CTNNA3: variants seen among roughly 807,000 people sequenced by gnomAD.
CTNNA3 encodes the protein catenin alpha-3.
CTNNA3 carries 76 observed loss-of-function variants against 95.7 expected under a neutral mutation model. That is an observed-to-expected ratio of 0.79 (90% CI 0.66 to 0.96). The LOEUF is 0.96. Ranked by LOEUF, CTNNA3 falls within the 40% of genes least tolerant of loss-of-function variation. The probability of loss-of-function intolerance (pLI) is 0.00; values close to 1 mark genes in which losing one functional copy is unlikely to be tolerated. For missense variants in CTNNA3, 1,191 were observed against 1,089.8 expected (o/e 1.09, Z -1.31); for synonymous variants, 431 against 374.4 (o/e 1.15, Z -1.74).
At chr10:66,907,321 T>C (rs913486504) in intron 7 of CTNNA3, among the ~76,000 whole-genome samples, 1 of 152,186 alleles carries the variant, frequency 6.6e-6, no homozygotes, top group Non-Finnish European at 1.5e-5. Flanking sequence ...ATGAAGCAAT[T>C]GCTTTTGTAT....
intron 6 of CTNNA3, 21 bp downstream of exon 6, chr10:67,219,585 CT>C: frequency 6.2e-7 from 1 of 1,602,760 alleles, no homozygotes; most frequent in African/African-American, 1.3e-5. Flanking sequence ...TCAGATCACA[CT>C]TTATCTTTCT....
intron 11 of CTNNA3, among the ~76,000 whole-genome samples, chr10:66,477,017 G>GAT (rs1839350463): frequency 6.6e-6 from 1 of 151,970 alleles, no homozygotes; most frequent in South Asian, 2.1e-4. Flanking sequence ...TTCCTGCTTT[G>GAT]ATATAGTCTG....
At chr10:66,203,277 A>G (rs1204350666) in intron 13 of CTNNA3, among the ~76,000 whole-genome samples, 1 of 152,206 alleles carries the variant, frequency 6.6e-6, no homozygotes, top group East Asian at 1.9e-4. Flanking sequence ...TTTAGAGAAC[A>G]ATATAAAGAC....
At chr10:66,874,669 T>A (rs1010439158) in intron 7 of CTNNA3, among the ~76,000 whole-genome samples, 2 of 152,222 alleles carry the variant, frequency 1.3e-5, no homozygotes, top group Non-Finnish European at 2.9e-5. Flanking sequence ...TTTCATGTTT[T>A]CTCTTTAAAC....
At chr10:67,662,711 G>C (rs560936887) in intron 1 of CTNNA3, among the ~76,000 whole-genome samples, 1 of 152,336 alleles carries the variant, frequency 6.6e-6, no homozygotes, top group African/African-American at 2.4e-5. Flanking sequence ...GATGTAATCA[G>C]TTGACTGCAG....
intron 12 of CTNNA3, among the ~76,000 whole-genome samples, chr10:66,372,650 T>C (rs2092762560): frequency 6.6e-6 from 1 of 152,190 alleles, no homozygotes; most frequent in Non-Finnish European, 1.5e-5. Flanking sequence ...GGCTAATTTA[T>C]AAAGAAAACA....
intron 10 of CTNNA3, among the ~76,000 whole-genome samples, chr10:66,544,258 C>A (rs1841968891): frequency 6.6e-6 from 1 of 151,962 alleles, no homozygotes; most frequent in South Asian, 2.1e-4. Context: ...TTATACCATG[C>A]AGCCTATTAA....
At chr10:66,847,332 G>A (rs1843316809) in intron 7 of CTNNA3, among the ~76,000 whole-genome samples, 1 of 152,094 alleles carries the variant, frequency 6.6e-6, no homozygotes. Context: ...TTGACAGGAA[G>A]CCAGAAATAA....
At chr10:67,289,344 C>T (rs1589130112) in intron 5 of CTNNA3, among the ~76,000 whole-genome samples, 1 of 152,092 alleles carries the variant, frequency 6.6e-6, no homozygotes, top group African/African-American at 2.4e-5. Flanking sequence ...CATCAAACAT[C>T]GTTATATGCC....
intron 9 of CTNNA3, among the ~76,000 whole-genome samples, chr10:66,722,767 T>C (rs568078859): frequency 2.0e-5 from 3 of 151,712 alleles, no homozygotes; most frequent in African/African-American, 7.3e-5. Context: ...TGTAAACTTA[T>C]AAGAAGTTTC....
At position 65,953,763 on chromosome 10, in the gene CTNNA3, A is replaced by C. The variant is rs545382757; in HGVS notation, c.2400+12849T>G. Among the ~76,000 whole-genome samples the C allele has an allele frequency of 2.0e-5, 3 of 152,120 alleles. No homozygotes were observed. In the South Asian group the frequency reaches 6.2e-4, roughly 32 times the overall value. The stretch of plus-strand genomic sequence containing the variant: ...GTATTCCATGGTGTATATGTGCCAC[A>C]TTTTCTTAATCCAGTCTATCATTGA... On this transcript the variant is annotated intron_variant, in intron 17 of 17. Coordinates refer to ENST00000433211, the MANE Select transcript of CTNNA3 (RefSeq NM_013266.4).
intron 5 of CTNNA3, among the ~76,000 whole-genome samples, chr10:67,353,344 G>A (rs986439811): frequency 1.3e-5 from 2 of 151,890 alleles, no homozygotes; most frequent in Admixed American, 6.6e-5. Context: ...CATCTCCAAG[G>A]TATTCAACTT....
intron 10 of CTNNA3, among the ~76,000 whole-genome samples, chr10:66,548,206 C>G (rs985940942): frequency 6.6e-6 from 1 of 151,980 alleles, no homozygotes; most frequent in Non-Finnish European, 1.5e-5. Context: ...TGTGAGACAC[C>G]GTGCCTGGCT....
intron 15 of CTNNA3, among the ~76,000 whole-genome samples, chr10:66,018,570 A>G (rs571168418): frequency 1.3e-5 from 2 of 152,234 alleles, no homozygotes; most frequent in Admixed American, 6.5e-5. Flanking sequence ...TTGCAATATT[A>G]CTTACTTATT....
Position 65,920,389 on chromosome 10 carries a change from T to G in CTNNA3, c.2629A>C (p.Lys877Gln), listed in dbSNP as rs374368635. 4.3e-6 allele frequency: 7 copies of G among 1,614,036 alleles called. No individual in the cohort carries two copies. The highest frequency in any genetic ancestry group is 5.9e-6 in the Non-Finnish European group (7 of 1,180,024). Reference protein sequence around the residue: ...TCAAVRRGSAKKKIHPLQVMS... With the variant: ...TCAAVRRGSAQKKIHPLQVMS... The stretch of plus-strand genomic sequence containing the variant: ...ACTTGCAATGGATGGATTTTTTTCT[T>G]TGCTGAGCCTCGTCTGACAGCTGCA... Residue 877 changes from lysine to glutamine, a missense_variant, in exon 18 of 18, where the codon AAG (lysine) becomes CAG (glutamine). Physicochemically the swap from Lys to Gln is moderately conservative, Grantham distance 53. Transcript: ENST00000433211.
intron 7 of CTNNA3, among the ~76,000 whole-genome samples, chr10:66,950,973 A>C (rs752525705): frequency 3.9e-5 from 6 of 152,206 alleles, no homozygotes; most frequent in Non-Finnish European, 7.4e-5. Flanking sequence ...CTCCCTTTGA[A>C]TGCTAGATTT....
intron 9 of CTNNA3, among the ~76,000 whole-genome samples, chr10:66,740,668 A>T (rs1382299123): frequency 6.6e-6 from 1 of 152,188 alleles, no homozygotes; most frequent in Non-Finnish European, 1.5e-5. Context: ...TCTCACAGAC[A>T]CAAACAGAAG....
chr10:67,144,738 TCCAGA>T (rs1860760025), intron 7 of CTNNA3, among the ~76,000 whole-genome samples: 1 of 152,206 alleles, frequency 6.6e-6, no homozygotes, highest in East Asian at 1.9e-4. Flanking sequence ...TGATCTTCTA[TCCAGA>T]CCACTAAAAC....
intron 7 of CTNNA3, among the ~76,000 whole-genome samples, chr10:67,061,663 A>G (rs1434727336): frequency 6.6e-6 from 1 of 152,222 alleles, no homozygotes; most frequent in African/African-American, 2.4e-5. Flanking sequence ...ACCTGTCCTC[A>G]CATCTGGTCA....
Sources: allele counts gnomAD v4.1 joint callset (sites outside exome capture counted in the v4.1 genomes callset), GRCh38; gene constraint gnomAD v4.1.1; transcripts MANE v1.5; gene names NCBI Gene and HGNC (gene_info 2026-07-23, HGNC 2026-07-21).